Variants in NCAM1 observed in about 807,000 individuals in gnomAD.
NCAM1 encodes antigen recognized by monoclonal antibody 5.1H11.
NCAM1 carries 14 observed loss-of-function variants against 109.8 expected under a neutral mutation model. The ratio of observed to expected loss-of-function variants is 0.13; its 90% CI spans 0.08 to 0.20. NCAM1 has a LOEUF of 0.20. Among genes scored for constraint, NCAM1 ranks in the 10% least tolerant of loss-of-function variants. The pLI, the probability that NCAM1 is intolerant of heterozygous loss-of-function variation, is 1.00. For synonymous variants in NCAM1, 418 were observed against 442.9 expected, an observed-to-expected ratio of 0.94 and a Z score of 0.70; for missense variants, 774 against 1,109.9, an observed-to-expected ratio of 0.70 and a Z score of 4.30.
intron 1 of NCAM1, among the ~76,000 whole-genome samples, chr11:113,043,787 T>A (rs1555080349): frequency 6.6e-6 from 1 of 152,146 alleles, no homozygotes; most frequent in East Asian, 1.9e-4. Flanking sequence ...GTACATCTCC[T>A]TACGCCCCAG....
intron 1 of NCAM1, among the ~76,000 whole-genome samples, chr11:113,088,451 C>A (rs1555088660): frequency 1.3e-5 from 2 of 152,190 alleles, no homozygotes; most frequent in Non-Finnish European, 2.9e-5. Flanking sequence ...GAAGCTGAAA[C>A]CACATGGTGG....
chr11:113,154,767 T>A (rs1412676010), intron 1 of NCAM1, among the ~76,000 whole-genome samples: 1 of 152,186 alleles, frequency 6.6e-6, no homozygotes, highest in Non-Finnish European at 1.5e-5. Context: ...TGGGACAGAA[T>A]TGTAAGGTCA....
rs74480274 is a variant in NCAM1 at position 113,191,076 on chromosome 11, G to A, written c.53-11303G>A. Among the ~76,000 whole-genome samples the A allele has an allele frequency of 1.9e-3, 292 of 152,306 alleles. 9 individuals are homozygous for A. The East Asian group carries it at 0.04, about 21-fold the overall frequency. On this transcript the variant is annotated intron_variant, in intron 1 of 19. Coordinates refer to ENST00000316851, the MANE Select transcript of NCAM1 (RefSeq NM_181351.5). ...GGCTTATCCAGAACCCAAATTGGGG[G>A]ATCAGTAGTAATCCATAGATGGGAA...
chr11:113,014,659 A>C (rs982008018), intron 1 of NCAM1, among the ~76,000 whole-genome samples: 3 of 152,224 alleles, frequency 2.0e-5, no homozygotes, highest in Admixed American at 2.0e-4. Flanking sequence ...CTACCTTACT[A>C]TAAGATGTTT....
intron 1 of NCAM1, among the ~76,000 whole-genome samples, chr11:113,193,876 G>T (rs1943773312): frequency 6.6e-6 from 1 of 152,158 alleles, no homozygotes; most frequent in Non-Finnish European, 1.5e-5. Flanking sequence ...CATGAAATTA[G>T]TCACGTTTTC....
At chr11:113,131,077 T>A (rs1340411587) in intron 1 of NCAM1, among the ~76,000 whole-genome samples, 1 of 152,188 alleles carries the variant, frequency 6.6e-6, no homozygotes, top group African/African-American at 2.4e-5. Context: ...CTAAACCAAC[T>A]GGGAACAGTT....
intron 1 of NCAM1, among the ~76,000 whole-genome samples, chr11:113,031,427 C>T (rs957153187): frequency 2.0e-5 from 3 of 152,194 alleles, no homozygotes; most frequent in African/African-American, 2.4e-5. Context: ...CACGATGGCT[C>T]ATACCTGTAA....
chr11:113,272,439 A>G (rs1456530017), intron 19 of NCAM1, among the ~76,000 whole-genome samples: 8 of 152,162 alleles, frequency 5.3e-5, no homozygotes, highest in African/African-American at 1.9e-4. Context: ...CACAGCTCCT[A>G]TGAGCCATTC....
intron 15 of NCAM1, among the ~76,000 whole-genome samples, chr11:113,255,566 A>G (rs1381420924): frequency 1.3e-5 from 2 of 151,092 alleles, no homozygotes; most frequent in Non-Finnish European, 2.9e-5. Context: ...AAGACCAGCT[A>G]AAAGGAAACA....
At chr11:113,173,898 G>A (rs1943071035) in intron 1 of NCAM1, among the ~76,000 whole-genome samples, 1 of 151,808 alleles carries the variant, frequency 6.6e-6, no homozygotes, top group Admixed American at 6.6e-5. Flanking sequence ...TTGGATTGTT[G>A]TTGCTTCTAG....
chr11:113,194,243 G>A lies in NCAM1; in HGVS notation c.53-8136G>A, dbSNP rs560648757. ...TAATCATCCAGGGCTCGGTTGTGAA[G>A]GGATATTCAATATCTTTTCTTCCTG... On this transcript the variant is annotated intron_variant, in intron 1 of 19. Coordinates refer to ENST00000316851, the MANE Select transcript of NCAM1 (RefSeq NM_181351.5). Among the ~76,000 whole-genome samples, 3 of 152,290 alleles carry A rather than the reference G, an allele frequency of 2.0e-5. No individual in the cohort carries two copies. In the South Asian group the frequency reaches 6.2e-4, roughly 32 times the overall value.
intron 8 of NCAM1, among the ~76,000 whole-genome samples, chr11:113,215,170 C>T (rs550744191): frequency 6.6e-6 from 1 of 152,106 alleles, no homozygotes; most frequent in Non-Finnish European, 1.5e-5. Context: ...CTTTAAAGTC[C>T]GTGGATTTGT....
chr11:113,152,864 G>C (rs1028571114), intron 1 of NCAM1, among the ~76,000 whole-genome samples: 3 of 152,036 alleles, frequency 2.0e-5, no homozygotes, highest in African/African-American at 7.3e-5. Context: ...TATCTCATTG[G>C]CTGGGATAGC....
chr11:113,117,487 A>G (rs1174057588), intron 1 of NCAM1, among the ~76,000 whole-genome samples: 1 of 151,886 alleles, frequency 6.6e-6, no homozygotes, highest in African/African-American at 2.4e-5. Flanking sequence ...CAGACCAACT[A>G]TTTGTGTTGT....
At position 113,273,038 on chromosome 11, in the gene NCAM1, C is replaced by G. The variant is rs1555125809; in HGVS notation, c.2456+1162C>G. On this transcript the variant is annotated intron_variant, in intron 19 of 19. Transcript: ENST00000316851. This position sits in a 1 kb window ranked among gnomAD's most constrained non-coding sequence, Gnocchi z 6.0. Reference sequence around the variant, plus strand: ...CCGAAACCTTTGCCACTGCTCAGAACAGCCCCACCAGTGAGACCACCACCC... The same window carrying G: ...CCGAAACCTTTGCCACTGCTCAGAAGAGCCCCACCAGTGAGACCACCACCC... 2 of 456,808 alleles carry G rather than the reference C, an allele frequency of 4.4e-6. No homozygotes were observed. Among genetic ancestry groups the G allele is most frequent in the Non-Finnish European group, 8.8e-6 (2 of 226,986 alleles). The allele number at this position is 456,808 out of a possible 1,614,324, so 28.3% of individuals were successfully genotyped here. A position where few individuals can be genotyped will look rare whatever the true frequency, so the allele number is the denominator to read the frequency against.
intron 7 of NCAM1, among the ~76,000 whole-genome samples, chr11:113,211,162 TCTC>T (rs1944381658): frequency 1.3e-5 from 2 of 152,176 alleles, no homozygotes; most frequent in Non-Finnish European, 2.9e-5. Context: ...TAGGGCTCCT[TCTC>T]CTTCCACTCT....
chr11:113,068,840 A>G (rs1443520072), intron 1 of NCAM1, among the ~76,000 whole-genome samples: 1 of 152,170 alleles, frequency 6.6e-6, no homozygotes, highest in African/African-American at 2.4e-5. Flanking sequence ...AATATTATCT[A>G]GTACCCCTTA....
chr11:113,011,406 A>G (rs1952050719), intron 1 of NCAM1, among the ~76,000 whole-genome samples: 1 of 151,970 alleles, frequency 6.6e-6, no homozygotes, highest in Non-Finnish European at 1.5e-5. Context: ...TATTGTGAAT[A>G]ATGCCGCAAT....
At chr11:113,258,745 A>T (rs977730688) in intron 16 of NCAM1, among the ~76,000 whole-genome samples, 3 of 152,256 alleles carry the variant, frequency 2.0e-5, no homozygotes, top group Non-Finnish European at 4.4e-5. Flanking sequence ...TTAAATTATC[A>T]CATGTACCCT....
Sources: allele counts gnomAD v4.1 joint callset (sites outside exome capture counted in the v4.1 genomes callset), GRCh38; gene constraint gnomAD v4.1.1; non-coding constraint Gnocchi (gnomAD v3.1); transcripts MANE v1.5; gene names NCBI Gene and HGNC (gene_info 2026-07-23, HGNC 2026-07-21).